Variants in VWF observed in about 807,000 individuals in gnomAD.
VWF encodes the protein Factor VIII related antigen.
Under a neutral mutation model 308.6 loss-of-function variants are expected in VWF, and 176 were observed. The ratio of observed to expected loss-of-function variants is 0.57; its 90% CI spans 0.50 to 0.65. The LOEUF (loss-of-function observed/expected upper bound fraction) is 0.65. VWF is among the 30% of genes least tolerant of loss of function. The pLI is 0.00. For missense variants in VWF, 3,146 were observed against 3,648.2 expected, an observed-to-expected ratio of 0.86 and a Z score of 3.55; for synonymous variants, 1,385 against 1,443.4, an observed-to-expected ratio of 0.96 and a Z score of 0.92.
At position 6,110,937 on chromosome 12, in the gene VWF, G is replaced by C. The variant is rs751964864; in HGVS notation, c.252C>G (p.Leu84=). Residue 84 remains leucine (L), a synonymous_variant, in exon 4 of 52, where the codon CTC becomes CTG. Transcript: ENST00000261405. ...GDFQNGKRVS[L]SVYLGEFFDI... ...CAAAAAATTCCCCAAGATACACGGA[G>C]AGGCTCACTCTCTTGCCATTCTGGA... 3.1e-6 allele frequency: 5 copies of C among 1,614,026 alleles called. No individual in the cohort carries two copies. Among genetic ancestry groups the C allele is most frequent in the Non-Finnish European group, 3.4e-6 (4 of 1,180,034 alleles).
chr12:6,079,395 A>G (rs1178272069), intron 6 of VWF, among the ~76,000 whole-genome samples: 3 of 152,186 alleles, frequency 2.0e-5, no homozygotes, highest in Non-Finnish European at 4.4e-5. Flanking sequence ...TCAAGAGGTC[A>G]GGAGATCAAG....
Position 6,062,939 on chromosome 12 carries a change from C to A in VWF, c.1533+15G>T, listed in dbSNP as rs184217564. 6.2e-7 allele frequency: 1 copy of A among 1,608,788 alleles called. No individual in the cohort carries two copies. Among genetic ancestry groups the A allele is most frequent in the African/African-American group, 1.3e-5 (1 of 74,970 alleles). ...GTCGGGCCGCAGGGAGCCAGTACCC[C>A]GTGAGGGCACCTACCTTCACCAGCA... On this transcript the variant is annotated intron_variant, in intron 13 of 51. Transcript: ENST00000261405.
intron 6 of VWF, among the ~76,000 whole-genome samples, chr12:6,086,202 G>A (rs1610055): frequency 0.17 from 26,035 of 152,190 alleles, 2,654 homozygotes; most frequent in East Asian, 0.45. Context: ...GGCCAAACCA[G>A]GGACTGCCCC....
intron 42 of VWF, 152 bp downstream of exon 42, chr12:5,981,634 A>C: frequency 1.1e-6 from 1 of 918,650 alleles, no homozygotes; most frequent in Non-Finnish European, 1.7e-6. Context: ...GCTGGGTAGG[A>C]TGCAAATCTT....
intron 24 of VWF, 137 bp from the exon 25 acceptor site, chr12:6,023,924 T>G: frequency 1.1e-6 from 1 of 905,878 alleles, no homozygotes; most frequent in Non-Finnish European, 1.8e-6. Flanking sequence ...AGCTCAATGG[T>G]CTCAAAGAGG....
chr12:5,990,892 AAAAAAAAAAAAAAAAAT>A (rs557407008), intron 38 of VWF, among the ~76,000 whole-genome samples: 7,603 of 118,410 alleles, frequency 0.064, 1,041 homozygotes, highest in East Asian at 0.44. Flanking sequence ...AAAAAAAAAA[AAAAAAAAAAAAAAAAAT>A]TTTGATGACT....
intron 22 of VWF, among the ~76,000 whole-genome samples, chr12:6,027,475 G>A (rs190881083): frequency 3.5e-4 from 53 of 152,326 alleles, no homozygotes; most frequent in African/African-American, 1.2e-3. Context: ...ATGGGATGAA[G>A]AGTTTAACCT....
At position 6,020,614 on chromosome 12, in the gene VWF, A is replaced by T. The variant is rs1944119123; in HGVS notation, c.3675-871T>A. ...GTCCCGGAAAGTGGCACGGCCTGCCAGCCCACAGGTGAAATCAAGTGACCG... is the reference window on the plus strand; with the variant it reads ...GTCCCGGAAAGTGGCACGGCCTGCCTGCCCACAGGTGAAATCAAGTGACCG... On this transcript the variant is annotated intron_variant, in intron 27 of 51. Transcript: ENST00000261405. The surrounding 1 kb of genome is among the most constrained non-coding windows in gnomAD (Gnocchi z 4.3). 6.6e-6 allele frequency among the ~76,000 whole-genome samples: 1 copy of T among 152,256 alleles called. No individual in the cohort carries two copies. Among genetic ancestry groups the T allele is most frequent in the South Asian group, 2.1e-4 (1 of 4,832 alleles).
intron 47 of VWF, among the ~76,000 whole-genome samples, chr12:5,954,562 G>C (rs974766692): frequency 6.6e-6 from 1 of 152,190 alleles, no homozygotes; most frequent in Non-Finnish European, 1.5e-5. Flanking sequence ...TCTGCCTGAG[G>C]ACTCAGCAGA....
At chr12:5,978,356 G>A (rs577095022) in intron 42 of VWF, among the ~76,000 whole-genome samples, 64 of 152,074 alleles carry the variant, frequency 4.2e-4, no homozygotes, top group Non-Finnish European at 7.5e-4. Flanking sequence ...TCCACCTCCC[G>A]GATTCAAGTG....
chr12:5,955,254 ATGTGCACAATG>A (rs1377024524), intron 47 of VWF, among the ~76,000 whole-genome samples: 1 of 151,964 alleles, frequency 6.6e-6, no homozygotes, highest in East Asian at 1.9e-4. Context: ...TTTAGGGTAC[ATGTGCACAATG>A]TGCAGGTTAG....
At chr12:6,010,120 CAT>C (rs1326451177) in intron 34 of VWF, among the ~76,000 whole-genome samples, 1 of 151,694 alleles carries the variant, frequency 6.6e-6, no homozygotes, top group Non-Finnish European at 1.5e-5. Context: ...GGGTAGATCT[CAT>C]GTGTTTCTTA....
chr12:5,983,806 T>TAGAC (rs1320203081), intron 40 of VWF, among the ~76,000 whole-genome samples: 2 of 151,322 alleles, frequency 1.3e-5, no homozygotes, highest in African/African-American at 4.9e-5. Flanking sequence ...GATAGATAGA[T>TAGAC]AGATAGATAG....
intron 3 of VWF, among the ~76,000 whole-genome samples, chr12:6,114,778 C>G (rs557870079): frequency 1.3e-5 from 2 of 152,162 alleles, no homozygotes; most frequent in African/African-American, 4.8e-5. Context: ...AGCCAGGGGA[C>G]GTGGGGCTGG....
At chr12:5,956,432 T>C (rs1242740920) in intron 47 of VWF, among the ~76,000 whole-genome samples, 2 of 152,120 alleles carry the variant, frequency 1.3e-5, no homozygotes, top group African/African-American at 4.8e-5. Flanking sequence ...AGACTGATAT[T>C]GATTATTCCA....
chr12:6,104,594 G>T (rs754093627), intron 5 of VWF, among the ~76,000 whole-genome samples: 14 of 151,926 alleles, frequency 9.2e-5, no homozygotes, highest in Non-Finnish European at 1.5e-4. Flanking sequence ...CTACTCAGGA[G>T]TCTGAGGCAG....
Position 6,056,926 on chromosome 12 carries a change from G to A in VWF, c.1876C>T (p.Leu626=). 1 of 1,533,824 alleles carries A rather than the reference G, an allele frequency of 6.5e-7. No individual in the cohort carries two copies. Among genetic ancestry groups the A allele is most frequent in the South Asian group, 1.2e-5 (1 of 83,654 alleles). Residue 626 remains leucine (L), a synonymous_variant, in exon 15 of 52, where the codon CTG becomes TTG. Coordinates refer to ENST00000261405, the MANE Select transcript of VWF (RefSeq NM_000552.5). ...SDGRECLCGA[L]ASYAAACAGR... is the part of the protein sequence containing the mutation. ...GCGCAGGCCGCGGCATAGCTGGCCA[G>A]GGCGCCGCACAGGCACTCGCGGCCG...
intron 22 of VWF, among the ~76,000 whole-genome samples, chr12:6,028,722 T>C (rs2136423922): frequency 6.6e-6 from 1 of 152,308 alleles, no homozygotes; most frequent in African/African-American, 2.4e-5. Context: ...AGAGATTTTG[T>C]CACCACCAGG....
chr12:5,979,726 G>A lies in VWF; in HGVS notation c.7287+2060C>T, dbSNP rs546438037. Among the ~76,000 whole-genome samples, 8 of 146,306 alleles carry A rather than the reference G, an allele frequency of 5.5e-5. No individual in the cohort carries two copies. The South Asian group carries it at 1.7e-3, about 32-fold the overall frequency. On this transcript the variant is annotated intron_variant, in intron 42 of 51. Transcript: ENST00000261405. ...GATCGTGCCACTGCACTCCAACCTG[G>A]CCACAGAGCGACTCAAAAAAAAAAG...
Sources: allele counts gnomAD v4.1 joint callset (sites outside exome capture counted in the v4.1 genomes callset), GRCh38; gene constraint gnomAD v4.1.1; non-coding constraint Gnocchi (gnomAD v3.1); transcripts MANE v1.5; gene names NCBI Gene and HGNC (gene_info 2026-07-23, HGNC 2026-07-21).